The following ADAM19 variants were observed in gnomAD, a reference collection of about 807,000 sequenced individuals.
ADAM19 encodes disintegrin and metalloproteinase domain-containing protein 19.
In ADAM19, 65 loss-of-function variants were observed where a neutral mutation model predicts 114.7. That is an observed-to-expected ratio of 0.57 (90% CI 0.46 to 0.70). The LOEUF is 0.70. Ranked by LOEUF, ADAM19 falls within the 30% of genes least tolerant of loss-of-function variation. ADAM19 has a pLI of 0.00. For missense variants in ADAM19, 1,063 were observed against 1,204.7 expected (o/e 0.88, Z 1.74); for synonymous variants, 466 against 460.5 (o/e 1.01, Z -0.15).
At chr5:157,512,028 C>A (rs935179678) in intron 8 of ADAM19, among the ~76,000 whole-genome samples, 1 of 152,238 alleles carries the variant, frequency 6.6e-6, no homozygotes, top group African/African-American at 2.4e-5. Context: ...TGGGGGAAAG[C>A]AGAGTCAGCC....
intron 8 of ADAM19, among the ~76,000 whole-genome samples, chr5:157,510,569 T>G (rs1449464841): frequency 6.6e-6 from 1 of 152,236 alleles, no homozygotes; most frequent in East Asian, 1.9e-4. Context: ...TGATAGTCAT[T>G]TCCCATTCTC....
intron 14 of ADAM19, among the ~76,000 whole-genome samples, chr5:157,495,593 T>A (rs1755334892): frequency 6.6e-6 from 1 of 152,194 alleles, no homozygotes; most frequent in Non-Finnish European, 1.5e-5. Flanking sequence ...TCTGTGTGTA[T>A]CTTCTAGAGA....
At chr5:157,569,977 C>T (rs1480804331) in intron 2 of ADAM19, among the ~76,000 whole-genome samples, 1 of 152,198 alleles carries the variant, frequency 6.6e-6, no homozygotes, top group Non-Finnish European at 1.5e-5. Context: ...ACCAAAACCA[C>T]AGTGGGCCAC....
rs1561535136 is a variant in ADAM19, at chr5:157,507,098, G to A, written c.948C>T (p.Leu316=). ...FHGTTIGLAP[L]MAMCSVYQSG... The stretch of plus-strand genomic sequence containing the variant: ...ACTGGTACACAGAGCACATGGCCAT[G>A]AGGGGGGCCAGGCCGATGGTGGTGC... The change falls in exon 10 of 23, where the codon CTC becomes CTT. Residue 316 remains leucine (L), a synonymous_variant. Coordinates refer to ENST00000257527, the MANE Select transcript of ADAM19 (RefSeq NM_033274.5). 3 of 1,614,170 alleles carry A rather than the reference G, an allele frequency of 1.9e-6. No individual in the cohort carries two copies. Among genetic ancestry groups the A allele is most frequent in the African/African-American group, 1.3e-5 (1 of 75,068 alleles).
At chr5:157,546,306 G>A (rs1463605776) in intron 3 of ADAM19, among the ~76,000 whole-genome samples, 1 of 152,310 alleles carries the variant, frequency 6.6e-6, no homozygotes, top group East Asian at 1.9e-4. Flanking sequence ...ATGTATATGT[G>A]CACGCACACG....
At chr5:157,533,118 G>C (rs1756669923) in intron 4 of ADAM19, among the ~76,000 whole-genome samples, 1 of 152,128 alleles carries the variant, frequency 6.6e-6, no homozygotes, top group African/African-American at 2.4e-5. Context: ...CAGCCATGCA[G>C]CCAGATCAAA....
chr5:157,497,321 T>G (rs1336522518), intron 13 of ADAM19, among the ~76,000 whole-genome samples: 1 of 152,180 alleles, frequency 6.6e-6, no homozygotes, highest in Non-Finnish European at 1.5e-5. Context: ...TTCATAGAAG[T>G]CTTAAGAAAG....
chr5:157,485,850 C>G (rs1754914925), intron 21 of ADAM19, among the ~76,000 whole-genome samples: 1 of 152,196 alleles, frequency 6.6e-6, no homozygotes, highest in Non-Finnish European at 1.5e-5. Context: ...CCTCGTTACT[C>G]TCTTCTGAGC....
intron 7 of ADAM19, among the ~76,000 whole-genome samples, chr5:157,515,277 A>G (rs11740562): frequency 0.07 from 10,591 of 152,278 alleles, 441 homozygotes; most frequent in Middle Eastern, 0.099. Flanking sequence ...GCGTTGCAGC[A>G]TTTCCATTCA....
intron 22 of ADAM19, chr5:157,481,275 C>T (rs991835814): frequency 1.7e-6 from 1 of 578,942 alleles, no homozygotes; most frequent in Non-Finnish European, 3.1e-6. Flanking sequence ...TTCTCAATGC[C>T]TCGTGGGAAT....
chr5:157,573,741 GAA>G (rs72337429), intron 1 of ADAM19, among the ~76,000 whole-genome samples: 2 of 128,798 alleles, frequency 1.6e-5, no homozygotes, highest in Admixed American at 8.2e-5. Context: ...TAGAGACTCT[GAA>G]AAAAAAAAAA....
intron 8 of ADAM19, among the ~76,000 whole-genome samples, chr5:157,510,766 T>C (rs1755895230): frequency 6.6e-6 from 1 of 152,266 alleles, no homozygotes; most frequent in Non-Finnish European, 1.5e-5. Flanking sequence ...TTCTTTCGTA[T>C]GGATATACCA....
intron 7 of ADAM19, among the ~76,000 whole-genome samples, chr5:157,517,089 C>T (rs1756113591): frequency 6.6e-6 from 1 of 152,236 alleles, no homozygotes; most frequent in African/African-American, 2.4e-5. Context: ...GTTAACTCCT[C>T]CTTGTCTTTT....
rs192181296 is a variant in ADAM19, at chr5:157,492,456, T to C, written c.1908+517A>G. Among the ~76,000 whole-genome samples the C allele has an allele frequency of 4.6e-5, 7 of 152,352 alleles. No individual in the cohort carries two copies. In the East Asian group the frequency reaches 1.3e-3, roughly 29 times the overall value. On this transcript the variant is annotated intron_variant, in intron 16 of 22. Coordinates refer to ENST00000257527, the MANE Select transcript of ADAM19 (RefSeq NM_033274.5). ...AAACGACAAATATATTGTTAAAGTA[T>C]CATATTTAACAATACAATATTATTT...
rs943912382 is a variant in ADAM19 at position 157,552,696 on chromosome 5, A to G, written c.251+11677T>C. Among the ~76,000 whole-genome samples the G allele has an allele frequency of 7.9e-5, 12 of 151,010 alleles. No homozygotes were observed. The South Asian group carries it at 2.3e-3, about 29-fold the overall frequency. On this transcript the variant is annotated intron_variant, in intron 3 of 22. Coordinates refer to ENST00000257527, the MANE Select transcript of ADAM19 (RefSeq NM_033274.5). ...TCTACTCAAAAAAAAAAAAAAAAAA[A>G]AAAAAGGAAATCAGTATACTGAAGA... is the stretch of plus-strand genomic sequence containing the variant.
chr5:157,532,753 G>A (rs1023572121), intron 4 of ADAM19, among the ~76,000 whole-genome samples: 6 of 152,116 alleles, frequency 3.9e-5, no homozygotes, highest in Non-Finnish European at 7.4e-5. Flanking sequence ...CAGCTACCCC[G>A]TGTGTCTGTA....
intron 3 of ADAM19, among the ~76,000 whole-genome samples, chr5:157,560,979 G>T (rs1015536611): frequency 6.6e-6 from 1 of 152,142 alleles, no homozygotes; most frequent in Non-Finnish European, 1.5e-5. Context: ...TATGACATGG[G>T]ACTATAATTA....
At chr5:157,541,671 A>G (rs1756922968) in intron 3 of ADAM19, among the ~76,000 whole-genome samples, 1 of 152,060 alleles carries the variant, frequency 6.6e-6, no homozygotes, top group African/African-American at 2.4e-5. Context: ...CTGAAAGTAC[A>G]CTGCAGCCTG....
intron 14 of ADAM19, among the ~76,000 whole-genome samples, chr5:157,495,686 T>C (rs1208132377): frequency 6.6e-6 from 1 of 152,186 alleles, no homozygotes; most frequent in Non-Finnish European, 1.5e-5. Context: ...CAGGCTGGAA[T>C]GCAGTGGCAC....
Sources: allele counts gnomAD v4.1 joint callset (sites outside exome capture counted in the v4.1 genomes callset), GRCh38; gene constraint gnomAD v4.1.1; transcripts MANE v1.5; gene names NCBI Gene and HGNC (gene_info 2026-07-23, HGNC 2026-07-21).